The following EXOSC7 variants were observed in gnomAD, a reference collection of about 807,000 sequenced individuals.
EXOSC7 encodes exosome complex component RRP42.
EXOSC7 carries 25 observed loss-of-function variants against 34.3 expected under a neutral mutation model. That is an observed-to-expected ratio of 0.73 (90% CI 0.53 to 1.02). The LOEUF is 1.02. Ranked by LOEUF, EXOSC7 falls within the 50% of genes least tolerant of loss-of-function variation. The probability of loss-of-function intolerance (pLI) is 0.00; values close to 1 mark genes in which losing one functional copy is unlikely to be tolerated. For synonymous variants in EXOSC7, 130 were observed against 143.0 expected (o/e 0.91, Z 0.65); for missense variants, 370 against 368.5 (o/e 1.00, Z -0.03).
intron 6 of EXOSC7, among the ~76,000 whole-genome samples, chr3:45,007,015 C>T (rs1707068249): frequency 6.6e-6 from 1 of 152,178 alleles, no homozygotes; most frequent in African/African-American, 2.4e-5. Flanking sequence ...CCGCTGCGCC[C>T]AGCCTTTGGC....
chr3:45,011,214 T>C, intron 7 of EXOSC7, 21 bp from the exon 8 acceptor site: 1 of 1,521,914 alleles, frequency 6.6e-7, no homozygotes, highest in Non-Finnish European at 9.0e-7. Flanking sequence ...GTGTGTGCTC[T>C]CTCCCGTCCC....
intron 3 of EXOSC7, 114 bp downstream of exon 3, chr3:44,989,758 T>G: frequency 1.3e-6 from 1 of 786,650 alleles, no homozygotes. Context: ...CATTCAGCCA[T>G]CCAGCAGGCA....
At chr3:44,999,106 G>T (rs1310580519) in intron 4 of EXOSC7, among the ~76,000 whole-genome samples, 1 of 152,226 alleles carries the variant, frequency 6.6e-6, no homozygotes, top group African/African-American at 2.4e-5. Flanking sequence ...GATGGGGACT[G>T]ATGTGCTTTT....
At chr3:44,998,633 A>G (rs1706793218) in intron 4 of EXOSC7, among the ~76,000 whole-genome samples, 1 of 152,220 alleles carries the variant, frequency 6.6e-6, no homozygotes, top group East Asian at 1.9e-4. Context: ...TTTTCTAGAT[A>G]TTTTAAAATT....
chr3:45,007,377 G>A (rs1413410437), intron 6 of EXOSC7, 43 bp from the exon 7 acceptor site: 2 of 1,609,254 alleles, frequency 1.2e-6, no homozygotes, highest in South Asian at 1.1e-5. Context: ...GGGACTCTGG[G>A]GCCTGCGTGA....
chr3:44,981,569 C>T (rs950958878), intron 1 of EXOSC7, among the ~76,000 whole-genome samples: 6 of 152,102 alleles, frequency 3.9e-5, no homozygotes, highest in Non-Finnish European at 8.8e-5. Flanking sequence ...GCCTGTGGCT[C>T]CTGAGAATTA....
chr3:45,008,991 G>C lies in EXOSC7; in HGVS notation c.771+1416G>C, dbSNP rs143388581. ...TATTATTATTGTCCTCATTTTTACA[G>C]ATGAGGAAACTGAGGCACACAGAGG... On this transcript the variant is annotated intron_variant, in intron 7 of 7. Coordinates refer to ENST00000265564, the MANE Select transcript of EXOSC7 (RefSeq NM_015004.4). Among the ~76,000 whole-genome samples the C allele has an allele frequency of 4.7e-4, 72 of 152,314 alleles. 1 individual carries two copies. The highest frequency in any genetic ancestry group is 1.7e-3 in the African/African-American group (71 of 41,556).
At chr3:45,008,658 T>G (rs1707122731) in intron 7 of EXOSC7, among the ~76,000 whole-genome samples, 1 of 152,224 alleles carries the variant, frequency 6.6e-6, no homozygotes, top group Admixed American at 6.5e-5. Flanking sequence ...TCACAGTGCC[T>G]GATATGTCAT....
intron 3 of EXOSC7, among the ~76,000 whole-genome samples, chr3:44,991,318 C>T (rs1706566800): frequency 6.6e-6 from 1 of 152,170 alleles, no homozygotes; most frequent in Non-Finnish European, 1.5e-5. Flanking sequence ...ATTGGCCCAT[C>T]CTTTAAGTCA....
At chr3:45,003,495 A>G (rs1246534364) in intron 5 of EXOSC7, among the ~76,000 whole-genome samples, 1 of 152,112 alleles carries the variant, frequency 6.6e-6, no homozygotes, top group African/African-American at 2.4e-5. Flanking sequence ...CTCTGGCTGA[A>G]GCTCCCCTGA....
chr3:44,987,805 A>G (rs967217191), intron 1 of EXOSC7, among the ~76,000 whole-genome samples: 1 of 152,256 alleles, frequency 6.6e-6, no homozygotes, highest in African/African-American at 2.4e-5. Flanking sequence ...ACAGAAATAC[A>G]TGTTAGATAA....
chr3:44,991,647 C>T (rs367868030), intron 3 of EXOSC7, among the ~76,000 whole-genome samples: 44 of 152,298 alleles, frequency 2.9e-4, no homozygotes, highest in African/African-American at 1.0e-3. Context: ...TAGCCTGCTG[C>T]TCTTATCCCT....
intron 1 of EXOSC7, among the ~76,000 whole-genome samples, chr3:44,983,842 C>T (rs1048559749): frequency 6.8e-6 from 1 of 146,716 alleles, no homozygotes; most frequent in Non-Finnish European, 1.5e-5. Context: ...ATTTCCTAAG[C>T]CTTTTATAAG....
At chr3:45,008,443 A>G (rs1576029772) in intron 7 of EXOSC7, among the ~76,000 whole-genome samples, 3 of 152,184 alleles carry the variant, frequency 2.0e-5, no homozygotes, top group East Asian at 1.9e-4. Context: ...TCTCTTTATC[A>G]TGTTATTTAA....
chr3:44,991,300 C>A (rs1706565891), intron 3 of EXOSC7, among the ~76,000 whole-genome samples: 1 of 152,164 alleles, frequency 6.6e-6, no homozygotes, highest in Admixed American at 6.5e-5. Context: ...CCTGAGTTGT[C>A]CCATGGAATT....
intron 1 of EXOSC7, among the ~76,000 whole-genome samples, chr3:44,981,695 A>T (rs1706273606): frequency 6.6e-6 from 1 of 152,142 alleles, no homozygotes; most frequent in African/African-American, 2.4e-5. Flanking sequence ...AGGTGGGAGG[A>T]TCACCAGAGG....
At chr3:44,993,362 C>T (rs567794670) in intron 3 of EXOSC7, among the ~76,000 whole-genome samples, 2 of 152,154 alleles carry the variant, frequency 1.3e-5, no homozygotes, top group East Asian at 1.9e-4. Context: ...CCAGGTCAGC[C>T]CTGCCTAGGT....
intron 1 of EXOSC7, among the ~76,000 whole-genome samples, chr3:44,982,509 A>G (rs189385334): frequency 1.3e-4 from 20 of 152,296 alleles, no homozygotes; most frequent in African/African-American, 4.3e-4. Flanking sequence ...ACCCTGTGAA[A>G]GCCATTTTAT....
intron 1 of EXOSC7, among the ~76,000 whole-genome samples, chr3:44,980,267 TC>T (rs1250032613): frequency 6.6e-6 from 1 of 151,236 alleles, no homozygotes; most frequent in Non-Finnish European, 1.5e-5. Context: ...AGATCCCCTC[TC>T]CCAGGGGAGA....
Sources: allele counts gnomAD v4.1 joint callset (sites outside exome capture counted in the v4.1 genomes callset), GRCh38; gene constraint gnomAD v4.1.1; transcripts MANE v1.5; gene names NCBI Gene and HGNC (gene_info 2026-07-23, HGNC 2026-07-21).